The following PRKCH variants were observed in gnomAD, a reference collection of about 807,000 sequenced individuals.
PRKCH encodes the protein protein kinase C eta, also known as protein kinase C eta type.
Under a neutral mutation model 82.5 loss-of-function variants are expected in PRKCH, and 28 were observed. That is an observed-to-expected ratio of 0.34 (90% confidence interval 0.25 to 0.47). The LOEUF is 0.47. PRKCH is among the 20% of genes least tolerant of loss of function. The probability of loss-of-function intolerance (pLI) is 1.00; values close to 1 mark genes in which losing one functional copy is unlikely to be tolerated. For missense variants in PRKCH, 705 were observed against 881.8 expected, an observed-to-expected ratio of 0.80 and a Z score of 2.54; for synonymous variants, 322 against 327.4, an observed-to-expected ratio of 0.98 and a Z score of 0.18.
chr14:61,288,244 A>G (rs1357497207), intron 1 of PRKCH, among the ~76,000 whole-genome samples: 3 of 152,130 alleles, frequency 2.0e-5, no homozygotes, highest in Non-Finnish European at 4.4e-5. Flanking sequence ...CACCGGAAAA[A>G]AAACTAAATA....
chr14:61,480,770 T>C (rs1885934770), intron 9 of PRKCH, among the ~76,000 whole-genome samples: 1 of 152,208 alleles, frequency 6.6e-6, no homozygotes. Context: ...TTTTTGCTTT[T>C]TCTGCATTTC....
At chr14:61,311,801 T>C (rs922493747) in intron 1 of PRKCH, among the ~76,000 whole-genome samples, 2 of 152,260 alleles carry the variant, frequency 1.3e-5, no homozygotes, top group African/African-American at 4.8e-5. Context: ...TGTTTACCTT[T>C]AATGGCAAAA....
chr14:61,413,729 C>T (rs529604376), intron 2 of PRKCH, among the ~76,000 whole-genome samples: 1 of 151,774 alleles, frequency 6.6e-6, no homozygotes, highest in South Asian at 2.1e-4. Context: ...TAATTTGTCT[C>T]CTTTTTTTCA....
In PRKCH at chr14:61,327,444, T is replaced by C. The variant is rs138668560; in HGVS notation, c.363+4980T>C. Among the ~76,000 whole-genome samples, 492 of 152,330 alleles carry C rather than the reference T, an allele frequency of 3.2e-3. 3 individuals carry two copies. Among genetic ancestry groups the C allele is most frequent in the African/African-American group, 0.011 (456 of 41,564 alleles). The stretch of plus-strand genomic sequence containing the variant: ...CCCACAGTGTTTAAGAGGAAAAATA[T>C]ATTTTAGAATCTTGAGGGAGTTTTA... On this transcript the variant is annotated intron_variant, in intron 1 of 13. Transcript: ENST00000332981.
At chr14:61,519,214 C>T (rs1229888633) in intron 10 of PRKCH, among the ~76,000 whole-genome samples, 2 of 152,020 alleles carry the variant, frequency 1.3e-5, no homozygotes, top group Non-Finnish European at 2.9e-5. Flanking sequence ...CCCAGACGGT[C>T]GTGGCTGCAG....
chr14:61,445,795 A>G (rs982757243), intron 4 of PRKCH, 69 bp downstream of exon 4: 1 of 1,446,410 alleles, frequency 6.9e-7, no homozygotes, highest in Non-Finnish European at 9.7e-7. Context: ...ATACCAAGAG[A>G]AAACAGGGTA....
chr14:61,485,646 A>G lies in PRKCH; in HGVS notation c.1423A>G (p.Ile475Val). 1 of 1,613,988 alleles carries G rather than the reference A, an allele frequency of 6.2e-7. No homozygotes were observed. Among genetic ancestry groups the G allele is most frequent in the Non-Finnish European group, 8.5e-7 (1 of 1,179,908 alleles). ...SALMFLHDKG[I>V]IYRDLKLDNV... Reference sequence around the variant, plus strand: ...TCTCATGTTCCTCCATGATAAAGGAATCATCTATAGGTGAGTTTTGGTTGC... The same window carrying G: ...TCTCATGTTCCTCCATGATAAAGGAGTCATCTATAGGTGAGTTTTGGTTGC... The change falls in exon 10 of 14, where the codon ATC becomes GTC. Residue 475 changes from isoleucine (I) to valine (V), a missense_variant. Physicochemically the swap from Ile to Val is conservative, Grantham distance 29. Around this residue, in one of 5 missense-constraint regions of PRKCH, gnomAD observed 115 missense variants for 193.8 expected, o/e 0.59. Coordinates refer to ENST00000332981, the MANE Select transcript of PRKCH (RefSeq NM_006255.5).
chr14:61,275,029 T>A (rs2140088197), intron 1 of PRKCH, among the ~76,000 whole-genome samples: 1 of 152,368 alleles, frequency 6.6e-6, no homozygotes, highest in African/African-American at 2.4e-5. Flanking sequence ...GAAGCTGTTT[T>A]ACATGCTGTC....
At chr14:61,473,498 A>G (rs1007708050) in intron 9 of PRKCH, among the ~76,000 whole-genome samples, 1 of 152,210 alleles carries the variant, frequency 6.6e-6, no homozygotes, top group African/African-American at 2.4e-5. Context: ...TCAAGGAAAC[A>G]CTAAAGAAGT....
chr14:61,338,868 G>GT (rs2045892155), intron 1 of PRKCH, among the ~76,000 whole-genome samples: 1 of 152,090 alleles, frequency 6.6e-6, no homozygotes, highest in African/African-American at 2.4e-5. Context: ...ACTTGTATAT[G>GT]TAGAATTTTA....
chr14:61,334,486 G>T (rs1297748220), intron 1 of PRKCH, among the ~76,000 whole-genome samples: 1 of 152,248 alleles, frequency 6.6e-6, no homozygotes, highest in South Asian at 2.1e-4. Context: ...CACAGAGCGG[G>T]TGACAATTCA....
chr14:61,531,542 C>A (rs2043044066), intron 12 of PRKCH, among the ~76,000 whole-genome samples: 2 of 152,168 alleles, frequency 1.3e-5, no homozygotes, highest in South Asian at 4.1e-4. Flanking sequence ...AGTGCCATTT[C>A]AGGGACATTT....
chr14:61,302,574 G>T (rs1339970391), intron 1 of PRKCH, among the ~76,000 whole-genome samples: 1 of 152,082 alleles, frequency 6.6e-6, no homozygotes, highest in African/African-American at 2.4e-5. Context: ...CACAAATTTT[G>T]ATTTTTAAAA....
chr14:61,495,234 C>T lies in PRKCH; in HGVS notation c.1433+9578C>T, dbSNP rs75297212. On this transcript the variant is annotated intron_variant, in intron 10 of 13. Transcript: ENST00000332981. ...AGATAGACATTTAAGTCCTGGGACA[C>T]CTTGATCATTTTTCTGTACTTCATA... Among the ~76,000 whole-genome samples the T allele has an allele frequency of 8.3e-3, 1,262 of 152,314 alleles. 19 individuals carry two copies. Among genetic ancestry groups the T allele is most frequent in the African/African-American group, 0.029 (1,212 of 41,550 alleles).
intron 1 of PRKCH, among the ~76,000 whole-genome samples, chr14:61,329,016 A>G (rs190601153): frequency 2.0e-5 from 3 of 151,846 alleles, no homozygotes; most frequent in African/African-American, 2.4e-5. Context: ...AAAACAGTCA[A>G]CTAGATTGTG....
chr14:61,280,674 G>A lies in PRKCH; in HGVS notation c.-19+93006G>A. The A allele has an allele frequency of 1.3e-6, 2 of 1,573,482 alleles. No individual in the cohort carries two copies. Among genetic ancestry groups the A allele is most frequent in the South Asian group, 2.3e-5 (2 of 86,816 alleles). Reference sequence around the variant, plus strand: ...TGGCGATGGCGCCGCAGGGCGCGATGGGCAGGCCGGCCGCGCTGCGCTGGT... The same window carrying A: ...TGGCGATGGCGCCGCAGGGCGCGATAGGCAGGCCGGCCGCGCTGCGCTGGT... On this transcript the variant is annotated intron_variant, in intron 1 of 3. Transcript: ENST00000555185. This position sits in a 1 kb window ranked among gnomAD's most constrained non-coding sequence, Gnocchi z 5.0.
At chr14:61,440,832 C>T (rs1174197798) in intron 2 of PRKCH, among the ~76,000 whole-genome samples, 1 of 151,998 alleles carries the variant, frequency 6.6e-6, no homozygotes, top group Non-Finnish European at 1.5e-5. Context: ...TGAGAACACG[C>T]CACTGCACTC....
At chr14:61,338,677 A>T (rs1262675773) in intron 1 of PRKCH, among the ~76,000 whole-genome samples, 2 of 152,180 alleles carry the variant, frequency 1.3e-5, no homozygotes, top group Non-Finnish European at 2.9e-5. Flanking sequence ...TACAACTGTG[A>T]CCTTGAAGTG....
chr14:61,400,217 GA>G (rs1881537620), intron 2 of PRKCH, among the ~76,000 whole-genome samples: 1 of 152,192 alleles, frequency 6.6e-6, no homozygotes, highest in Non-Finnish European at 1.5e-5. Flanking sequence ...TTACTGCTTT[GA>G]AGCTGCAGCC....
Sources: allele counts gnomAD v4.1 joint callset (sites outside exome capture counted in the v4.1 genomes callset), GRCh38; gene constraint gnomAD v4.1.1; regional missense constraint gnomAD v4.1.1; non-coding constraint Gnocchi (gnomAD v3.1); transcripts MANE v1.5; gene names NCBI Gene and HGNC (gene_info 2026-07-23, HGNC 2026-07-21).